Variants in WWTR1 observed in about 807,000 individuals in gnomAD.
The protein encoded by WWTR1 is WW domain-containing transcription regulator protein 1.
In WWTR1, 13 loss-of-function variants were observed where a neutral mutation model predicts 40.1. That is an observed-to-expected ratio of 0.32 (90% confidence interval 0.21 to 0.52). WWTR1 has a LOEUF of 0.52. WWTR1 is among the 20% of genes least tolerant of loss of function. The pLI is 0.97. For missense variants in WWTR1, 436 were observed against 523.1 expected (o/e 0.83, Z 1.63); for synonymous variants, 230 against 210.1 (o/e 1.09, Z -0.82).
Position 149,657,099 on chromosome 3 carries a change from A to C in WWTR1, c.208T>G (p.Ser70Ala). 2.5e-6 allele frequency: 4 copies of C among 1,577,186 alleles called. No individual in the cohort carries two copies. Among genetic ancestry groups the C allele is most frequent in the Non-Finnish European group, 3.4e-6 (4 of 1,164,466 alleles). ...AGTCGAGGCCCCGGGTGGCCGCCCG[A>C]CGAGTCGGTGCTGGACTGGCGCGAG... The part of the protein sequence containing the change: ...SHSRQSSTDS[S>A]GGHPGPRLAG... The change falls in exon 2 of 7, where the codon TCG (serine) becomes GCG (alanine). Residue 70 changes from serine (S) to alanine (A), a missense_variant. Coordinates refer to ENST00000360632, the MANE Select transcript of WWTR1 (RefSeq NM_015472.6).
upstream of WWTR1, chr3:149,658,827 T>C (rs1713424080): frequency 6.6e-6 from 1 of 152,384 alleles, no homozygotes; most frequent in Non-Finnish European, 1.5e-5. Context: ...GAAGAGCAAT[T>C]GCACCCCCCT....
intron 2 of WWTR1, among the ~76,000 whole-genome samples, chr3:149,584,191 C>T (rs1046967141): frequency 6.6e-6 from 1 of 152,228 alleles, no homozygotes; most frequent in Non-Finnish European, 1.5e-5. Context: ...GCTAAAGCTG[C>T]ACTGCCCTCC....
At chr3:149,706,438 C>A (rs970273741), upstream of WWTR1, among the ~76,000 whole-genome samples, 2 of 151,592 alleles carry the variant, frequency 1.3e-5, no homozygotes, top group South Asian at 2.1e-4. Context: ...CCTGCCTCAG[C>A]CTCCCGAGTA....
At chr3:149,527,798 A>C in intron 5 of WWTR1, 38 bp downstream of exon 5, 1 of 1,612,416 alleles carries the variant, frequency 6.2e-7, no homozygotes, top group Non-Finnish European at 8.5e-7. Flanking sequence ...CACATAATAA[A>C]GAGAATAAAA....
At chr3:149,605,537 C>G (rs1015291686) in intron 2 of WWTR1, among the ~76,000 whole-genome samples, 2 of 152,084 alleles carry the variant, frequency 1.3e-5, no homozygotes, top group African/African-American at 4.8e-5. Context: ...GGAGCAAGTT[C>G]GAGAGTGAGA....
At chr3:149,547,262 C>T (rs185066310) in intron 3 of WWTR1, among the ~76,000 whole-genome samples, 8 of 146,170 alleles carry the variant, frequency 5.5e-5, no homozygotes, top group Admixed American at 1.4e-4. Flanking sequence ...AGGTGGCTTA[C>T]GTCTGTAATC....
At chr3:149,646,784 A>G (rs1712558521) in intron 2 of WWTR1, among the ~76,000 whole-genome samples, 1 of 152,240 alleles carries the variant, frequency 6.6e-6, no homozygotes, top group Non-Finnish European at 1.5e-5. Context: ...ATATTTCTGA[A>G]TAAAGTGTTA....
At chr3:149,624,712 T>C (rs562281145) in intron 2 of WWTR1, among the ~76,000 whole-genome samples, 138 of 152,228 alleles carry the variant, frequency 9.1e-4, no homozygotes, top group African/African-American at 3.3e-3. Context: ...TTTTAACCTT[T>C]TTTTTTAGAT....
At chr3:149,664,931 A>G (rs4681535) in intron 2 of WWTR1, among the ~76,000 whole-genome samples, 64,541 of 151,880 alleles carry the variant, frequency 0.42, 13,767 homozygotes, top group Middle Eastern at 0.57. Context: ...TTGCTTTAGT[A>G]ATGCATTTGG....
chr3:149,653,704 A>C (rs1163072687), intron 2 of WWTR1, among the ~76,000 whole-genome samples: 1 of 152,114 alleles, frequency 6.6e-6, no homozygotes, highest in African/African-American at 2.4e-5. Flanking sequence ...TTTCCCATTA[A>C]GTTCATTGTT....
intron 3 of WWTR1, among the ~76,000 whole-genome samples, chr3:149,544,912 T>A (rs1405867818): frequency 6.6e-6 from 1 of 152,144 alleles, no homozygotes; most frequent in African/African-American, 2.4e-5. Context: ...AGGGAAGATA[T>A]CAGTGTATAT....
At chr3:149,559,458 T>A (rs1736995543) in intron 3 of WWTR1, among the ~76,000 whole-genome samples, 1 of 152,114 alleles carries the variant, frequency 6.6e-6, no homozygotes, top group Admixed American at 6.6e-5. Context: ...GATAGATGGA[T>A]AGATGCAACC....
At chr3:149,564,183 C>A (rs1560062393) in intron 3 of WWTR1, among the ~76,000 whole-genome samples, 4 of 152,228 alleles carry the variant, frequency 2.6e-5, no homozygotes, top group Admixed American at 2.6e-4. Flanking sequence ...AGGGCATATT[C>A]CTCCTAGCAG....
At chr3:149,628,523 T>C (rs903521325) in intron 2 of WWTR1, among the ~76,000 whole-genome samples, 2 of 152,226 alleles carry the variant, frequency 1.3e-5, no homozygotes, top group Non-Finnish European at 2.9e-5. Context: ...TATTGCTTTG[T>C]ATGACAGGCT....
intron 3 of WWTR1, among the ~76,000 whole-genome samples, chr3:149,568,254 C>T (rs1317209818): frequency 1.4e-5 from 2 of 147,194 alleles, no homozygotes; most frequent in African/African-American, 5.4e-5. Flanking sequence ...GGTGTGGTGG[C>T]GGGCGCCTGT....
At chr3:149,568,011 C>T (rs1737414676) in intron 3 of WWTR1, among the ~76,000 whole-genome samples, 1 of 152,006 alleles carries the variant, frequency 6.6e-6, no homozygotes, top group Admixed American at 6.6e-5. Context: ...ATTTTTTTCC[C>T]TCTTTTGTTT....
chr3:149,670,715 T>G (rs1714047338), intron 1 of WWTR1: 1 of 150,898 alleles, frequency 6.6e-6, no homozygotes, highest in South Asian at 2.1e-4. Flanking sequence ...CAGGGCCTGA[T>G]GAGTAGACAG....
intron 2 of WWTR1, among the ~76,000 whole-genome samples, chr3:149,610,978 A>T (rs1322153290): frequency 7.3e-6 from 1 of 137,452 alleles, no homozygotes; most frequent in East Asian, 2.1e-4. Flanking sequence ...CCCCATCTGT[A>T]CAAAAAAAAA....
intron 2 of WWTR1, among the ~76,000 whole-genome samples, chr3:149,648,020 T>TA (rs1712634803): frequency 6.6e-6 from 1 of 152,210 alleles, no homozygotes; most frequent in Non-Finnish European, 1.5e-5. Context: ...TTTCTGCCTC[T>TA]ATACCTCTCT....
Sources: gnomAD v4.1 joint callset for allele counts (sites outside exome capture counted in the v4.1 genomes callset) on GRCh38, gnomAD v4.1.1 for gene constraint, MANE v1.5 for transcripts, NCBI Gene and HGNC (gene_info 2026-07-23, HGNC 2026-07-21) for gene names.